B4GALT6: variants seen among roughly 807,000 people sequenced by gnomAD.
The protein encoded by B4GALT6 is beta-1,4-galactosyltransferase 6, also known as UDP-Gal:beta-GlcNAc beta-1,4-galactosyltransferase 6.
A neutral mutation model predicts 46.3 loss-of-function variants in B4GALT6; 14 were observed. The observed-to-expected ratio is 0.30, with a 90% CI of 0.20 to 0.47. The LOEUF (loss-of-function observed/expected upper bound fraction) is 0.47. Ranked by LOEUF, B4GALT6 falls within the 20% of genes least tolerant of loss-of-function variation. The probability of loss-of-function intolerance (pLI) is 0.99; values close to 1 mark genes in which losing one functional copy is unlikely to be tolerated. For missense variants in B4GALT6, 386 were observed against 480.1 expected (o/e 0.80, Z 1.83); for synonymous variants, 168 against 162.0 (o/e 1.04, Z -0.28).
the B4GALT6 span, among the ~76,000 whole-genome samples, chr18:31,701,668 A>G: frequency 1.3e-5 from 2 of 152,242 alleles, no homozygotes; most frequent in African/African-American, 4.8e-5. Flanking sequence ...TGGTTAAAAT[A>G]CTAGGAGAAA....
the B4GALT6 span, among the ~76,000 whole-genome samples, chr18:31,722,226 C>T: frequency 6.6e-6 from 1 of 151,956 alleles, no homozygotes; most frequent in Non-Finnish European, 1.5e-5. Context: ...AACCAAGATA[C>T]AGAATTGAGT....
the B4GALT6 span, among the ~76,000 whole-genome samples, chr18:31,721,278 A>G: frequency 7.2e-5 from 11 of 152,328 alleles, no homozygotes; most frequent in South Asian, 8.3e-4. Flanking sequence ...TGGCACATGT[A>G]TACCTATGCA....
the B4GALT6 span, among the ~76,000 whole-genome samples, chr18:31,698,089 G>A: frequency 1.3e-5 from 2 of 152,106 alleles, no homozygotes; most frequent in African/African-American, 4.8e-5. Flanking sequence ...TTTGGCATAT[G>A]TTGGATCTTC....
intron 8 of B4GALT6, 39 bp from the exon 9 acceptor site, chr18:31,625,800 ATGTTC>A: frequency 6.5e-7 from 1 of 1,529,742 alleles, no homozygotes; most frequent in Non-Finnish European, 8.7e-7. Context: ...GCAACAAAAC[ATGTTC>A]AAAAAGGAAA....
chr18:31,640,027 T>C (rs1011225365), intron 4 of B4GALT6, among the ~76,000 whole-genome samples: 2 of 152,164 alleles, frequency 1.3e-5, no homozygotes, highest in African/African-American at 4.8e-5. Context: ...GTGAATTTTC[T>C]AATAAAATTG....
the B4GALT6 span, among the ~76,000 whole-genome samples, chr18:31,700,506 G>GAC: frequency 2.0e-5 from 3 of 151,392 alleles, no homozygotes; most frequent in Admixed American, 6.6e-5. Context: ...GCCCAGGCTG[G>GAC]AGTGCAGTGG....
Position 31,684,527 on chromosome 18 carries a change from C to A in B4GALT6, c.-101G>T. On this transcript the variant is annotated 5_prime_UTR_variant, in exon 1 of 9. Coordinates refer to ENST00000306851, the MANE Select transcript of B4GALT6 (RefSeq NM_004775.5). ...CATAAATGTGCTGAGAACCCCGAGA[C>A]TGCAGCGGGGTCCGCGCGGGGAGGC... is the stretch of plus-strand genomic sequence containing the variant. The A allele has an allele frequency of 6.6e-7, 1 of 1,518,610 alleles. No homozygotes were observed. The allele number at this position is 1,518,610 out of a possible 1,614,324, so 94.1% of individuals were successfully genotyped here.
Position 31,658,029 on chromosome 18 carries a change from T to C in B4GALT6, c.293A>G (p.Glu98Gly), listed in dbSNP as rs774420565. 2 of 1,613,602 alleles carry C rather than the reference T, an allele frequency of 1.2e-6. No individual in the cohort carries two copies. Among genetic ancestry groups the C allele is most frequent in the South Asian group, 2.2e-5 (2 of 91,068 alleles). The change falls in exon 3 of 9, where the codon GAA becomes GGA. Residue 98 changes from glutamate (E) to glycine (G), a missense_variant. Glu to Gly is a moderately conservative substitution (Grantham distance 98). Coordinates refer to ENST00000306851, the MANE Select transcript of B4GALT6 (RefSeq NM_004775.5). ...YLVQTTTYLP[E>G]NFTYSPYLPC... ...GAGGTATGGTGAGTATGTGAAGTTTTCCGGGAGATACGTTGTTGTTTGAAC... is the reference window on the plus strand; with the variant it reads ...GAGGTATGGTGAGTATGTGAAGTTTCCCGGGAGATACGTTGTTGTTTGAAC...
At chr18:31,707,644 T>C in the B4GALT6 span, among the ~76,000 whole-genome samples, 1 of 152,232 alleles carries the variant, frequency 6.6e-6, no homozygotes, top group African/African-American at 2.4e-5. Flanking sequence ...ATTAATTTAA[T>C]CTTCCCTGAC....
upstream of B4GALT6, among the ~76,000 whole-genome samples, chr18:31,689,619 C>G (rs934647789): frequency 3.9e-5 from 6 of 152,128 alleles, no homozygotes; most frequent in African/African-American, 1.2e-4. Flanking sequence ...TGGCGCACAC[C>G]TGTAGTCCCA....
the B4GALT6 span, among the ~76,000 whole-genome samples, chr18:31,698,904 C>G: frequency 6.6e-6 from 1 of 151,998 alleles, no homozygotes; most frequent in Non-Finnish European, 1.5e-5. Context: ...AACCCTGTCT[C>G]TATTAAAATA....
chr18:31,678,237 C>T (rs1164704041), intron 1 of B4GALT6, among the ~76,000 whole-genome samples: 1 of 152,164 alleles, frequency 6.6e-6, no homozygotes, highest in East Asian at 1.9e-4. Flanking sequence ...AAGAGGCGGT[C>T]ATCTACCCTC....
chr18:31,666,235 T>C, intron 2 of B4GALT6, 21 bp downstream of exon 2: 1 of 1,410,508 alleles, frequency 7.1e-7, no homozygotes, highest in Non-Finnish European at 9.8e-7. Flanking sequence ...CTACAAGGGG[T>C]TAAGCAGGAA....
chr18:31,709,636 GATTGCATGA>G, the B4GALT6 span, among the ~76,000 whole-genome samples: 2 of 147,948 alleles, frequency 1.4e-5, no homozygotes, highest in African/African-American at 5.0e-5. Context: ...ATCCTGCATT[GATTGCATGA>G]AGGTCTTAAT....
At chr18:31,696,045 C>T in the B4GALT6 span, among the ~76,000 whole-genome samples, 1 of 152,140 alleles carries the variant, frequency 6.6e-6, no homozygotes, top group Non-Finnish European at 1.5e-5. Context: ...ATGAATTTTA[C>T]ACACACACAG....
chr18:31,703,222 A>G, the B4GALT6 span, among the ~76,000 whole-genome samples: 3,287 of 152,280 alleles, frequency 0.022, 102 homozygotes, highest in East Asian at 0.11. Flanking sequence ...GGGGGAAAAA[A>G]CAATTCTTTC....
intron 4 of B4GALT6, among the ~76,000 whole-genome samples, chr18:31,639,845 TA>T (rs2073908001): frequency 6.6e-6 from 1 of 152,164 alleles, no homozygotes; most frequent in Admixed American, 6.5e-5. Context: ...AATACAAGAA[TA>T]AATGAATGAT....
the B4GALT6 span, among the ~76,000 whole-genome samples, chr18:31,708,666 T>C: frequency 6.6e-6 from 1 of 152,220 alleles, no homozygotes; most frequent in Non-Finnish European, 1.5e-5. Flanking sequence ...GGGGAAATTA[T>C]ATTTTTCTCT....
intron 3 of B4GALT6, among the ~76,000 whole-genome samples, chr18:31,655,250 C>G (rs2144634478): frequency 6.6e-6 from 1 of 152,310 alleles, no homozygotes; most frequent in South Asian, 2.1e-4. Context: ...AAAGCCTTAT[C>G]TGTATGTGGC....
Sources: allele counts gnomAD v4.1 joint callset (sites outside exome capture counted in the v4.1 genomes callset), GRCh38; gene constraint gnomAD v4.1.1; transcripts MANE v1.5; gene names NCBI Gene and HGNC (gene_info 2026-07-23, HGNC 2026-07-21).